TSPAN14: variants seen among roughly 807,000 people sequenced by gnomAD.
TSPAN14 encodes the protein tetraspanin 14.
In TSPAN14, 16 loss-of-function variants were observed where a neutral mutation model predicts 36.6. That is an observed-to-expected ratio of 0.44 (90% confidence interval 0.30 to 0.66). The LOEUF (loss-of-function observed/expected upper bound fraction) is 0.66, where lower values mean the gene tolerates loss of function less well. Ranked by LOEUF, TSPAN14 falls within the 30% of genes least tolerant of loss-of-function variation. The pLI is 0.12. For missense variants in TSPAN14, 231 were observed against 355.1 expected, an observed-to-expected ratio of 0.65 and a Z score of 2.81; for synonymous variants, 139 against 143.8, an observed-to-expected ratio of 0.97 and a Z score of 0.24.
chr10:80,476,055 G>A (rs1220249502), intron 1 of TSPAN14, among the ~76,000 whole-genome samples: 1 of 152,160 alleles, frequency 6.6e-6, no homozygotes, highest in Non-Finnish European at 1.5e-5. Flanking sequence ...ACCATCTCCA[G>A]ATTACATAAA....
chr10:80,520,070 C>CTG (rs1425492754), exon 9 of TSPAN14: 1 of 158,464 alleles, frequency 6.3e-6, no homozygotes, highest in Admixed American at 6.0e-5. Flanking sequence ...GCTGCATGAG[C>CTG]TGTGTGTCCT....
At chr10:80,504,830 C>T (rs768863717) in intron 3 of TSPAN14, 52 bp downstream of exon 3, 28 of 1,593,724 alleles carry the variant, frequency 1.8e-5, no homozygotes, top group Middle Eastern at 1.7e-4. Flanking sequence ...AAACCAGATT[C>T]GTTGGACTTC....
intron 1 of TSPAN14, among the ~76,000 whole-genome samples, chr10:80,465,869 T>A (rs1846215499): frequency 6.6e-6 from 1 of 152,188 alleles, no homozygotes; most frequent in Admixed American, 6.5e-5. Context: ...TCTTCACATC[T>A]GAATCTCTCC....
intron 5 of TSPAN14, 100 bp from the exon 6 acceptor site, chr10:80,512,044 C>T: frequency 1.3e-6 from 2 of 1,557,646 alleles, no homozygotes; most frequent in Non-Finnish European, 1.7e-6. Flanking sequence ...ATGGTAGATG[C>T]CGGCAGACTT....
intron 2 of TSPAN14, among the ~76,000 whole-genome samples, chr10:80,502,993 G>C (rs911207100): frequency 6.6e-6 from 1 of 152,110 alleles, no homozygotes; most frequent in African/African-American, 2.4e-5. Flanking sequence ...GGGTGTGTCA[G>C]TGGAATGGTT....
rs1188756697 is a variant in TSPAN14 at position 80,516,333 on chromosome 10, A to G, written c.741+10A>G. On this transcript the variant is annotated intron_variant, in intron 8 of 8. Transcript: ENST00000429989. ...CATCTCGCTGTTGCAGGTGTGTCCC[A>G]GGAGCCTATAGGATTGGCAGGTGGC... The G allele has an allele frequency of 6.2e-7, 1 of 1,614,168 alleles. No individual in the cohort carries two copies. Among genetic ancestry groups the G allele is most frequent in the Non-Finnish European group, 8.5e-7 (1 of 1,179,972 alleles).
intron 7 of TSPAN14, among the ~76,000 whole-genome samples, chr10:80,514,984 A>G (rs1840855907): frequency 6.6e-6 from 1 of 152,054 alleles, no homozygotes; most frequent in South Asian, 2.1e-4. Flanking sequence ...CCGACACTGA[A>G]TTTGCCAGTG....
chr10:80,521,424 A>G (rs1204466031), exon 9 of TSPAN14: 2 of 153,426 alleles, frequency 1.3e-5, no homozygotes, highest in Non-Finnish European at 2.9e-5. Context: ...AATGACCTTC[A>G]CAGGTGGGCC....
intron 2 of TSPAN14, among the ~76,000 whole-genome samples, chr10:80,495,242 G>A (rs1848135211): frequency 6.6e-6 from 1 of 152,176 alleles, no homozygotes; most frequent in Non-Finnish European, 1.5e-5. Flanking sequence ...GTCACAAGGT[G>A]TGTACATTGT....
intron 1 of TSPAN14, among the ~76,000 whole-genome samples, chr10:80,469,238 C>T (rs747826438): frequency 4.2e-4 from 64 of 152,146 alleles, no homozygotes; most frequent in Non-Finnish European, 6.5e-4. Flanking sequence ...TGCCACTTGC[C>T]CTGCCCTGTT....
At chr10:80,489,353 C>T in intron 2 of TSPAN14, 39 bp downstream of exon 2, 1 of 1,289,610 alleles carries the variant, frequency 7.8e-7, no homozygotes, top group Middle Eastern at 1.9e-4. Flanking sequence ...TTGTTTAGTC[C>T]TTCATTCAGT....
At chr10:80,477,816 C>T (rs1290574001) in intron 1 of TSPAN14, among the ~76,000 whole-genome samples, 2 of 152,172 alleles carry the variant, frequency 1.3e-5, no homozygotes, top group Admixed American at 1.3e-4. Context: ...ATTCTCTAGT[C>T]TTCTAACCCC....
chr10:80,499,914 AC>A (rs1364147604), intron 2 of TSPAN14, among the ~76,000 whole-genome samples: 2 of 118,584 alleles, frequency 1.7e-5, no homozygotes, highest in Non-Finnish European at 3.8e-5. Flanking sequence ...TGGGAGGGAG[AC>A]AAAGAAGGTC....
At chr10:80,500,311 A>ATT (rs1848427553) in intron 2 of TSPAN14, among the ~76,000 whole-genome samples, 3 of 53,428 alleles carry the variant, frequency 5.6e-5, no homozygotes, top group Non-Finnish European at 7.5e-5. Flanking sequence ...ACAAGGCCTT[A>ATT]TTCTTTTTTT....
chr10:80,498,207 G>T (rs929611034), intron 2 of TSPAN14, among the ~76,000 whole-genome samples: 1 of 152,156 alleles, frequency 6.6e-6, no homozygotes, highest in African/African-American at 2.4e-5. Context: ...TTTCCTGAAT[G>T]CCCCAGGCCT....
chr10:80,488,447 C>G (rs751967306), intron 1 of TSPAN14, among the ~76,000 whole-genome samples: 10 of 152,164 alleles, frequency 6.6e-5, no homozygotes, highest in Non-Finnish European at 1.2e-4. Context: ...TTCACAGGGT[C>G]TTCCCACATA....
intron 2 of TSPAN14, among the ~76,000 whole-genome samples, chr10:80,503,305 G>GAA (rs1284231334): frequency 6.6e-6 from 1 of 152,192 alleles, no homozygotes; most frequent in Non-Finnish European, 1.5e-5. Context: ...TGATATGGTA[G>GAA]AAAGGGCTCT....
At chr10:80,466,726 G>A (rs1215665921) in intron 1 of TSPAN14, among the ~76,000 whole-genome samples, 6 of 152,222 alleles carry the variant, frequency 3.9e-5, no homozygotes, top group African/African-American at 9.7e-5. Context: ...AATCCAGTGA[G>A]TGTCTGCGTC....
rs182501176 is a variant in TSPAN14, at chr10:80,475,531, T to A, written c.-17-13686T>A. ...TGTCTCTAAAAAGAGAAAAAAAGTT[T>A]TAAGTTAAAGGTCCACTCTGTTCTG... On this transcript the variant is annotated intron_variant, in intron 1 of 8. Transcript: ENST00000429989. 4.2e-3 allele frequency among the ~76,000 whole-genome samples: 639 copies of A among 152,216 alleles called. 5 individuals carry two copies. The highest frequency in any genetic ancestry group is 0.014 in the African/African-American group (580 of 41,522).
Sources: allele counts gnomAD v4.1 joint callset (sites outside exome capture counted in the v4.1 genomes callset), GRCh38; gene constraint gnomAD v4.1.1; transcripts MANE v1.5; gene names NCBI Gene and HGNC (gene_info 2026-07-23, HGNC 2026-07-21).